TRAK1: variants seen among roughly 807,000 people sequenced by gnomAD.
TRAK1 encodes trafficking kinesin protein 1, also known as trafficking kinesin-binding protein 1.
TRAK1 carries 33 observed loss-of-function variants against 92.1 expected under a neutral mutation model. That is an observed-to-expected ratio of 0.36 (90% CI 0.27 to 0.48). TRAK1 has a LOEUF of 0.48. TRAK1 is among the 20% of genes least tolerant of loss of function. The probability of loss-of-function intolerance (pLI) is 0.99; values close to 1 mark genes in which losing one functional copy is unlikely to be tolerated. For synonymous variants in TRAK1, 521 were observed against 517.3 expected (o/e 1.01, Z -0.10); for missense variants, 1,123 against 1,257.9 (o/e 0.89, Z 1.62).
intron 1 of TRAK1, among the ~76,000 whole-genome samples, chr3:42,043,328 C>T (rs1294798414): frequency 1.3e-5 from 2 of 151,976 alleles, no homozygotes; most frequent in East Asian, 3.9e-4. Context: ...CCTCTCTTTC[C>T]TATCCCCTCC....
At chr3:42,064,334 G>A (rs765870474) in intron 1 of TRAK1, among the ~76,000 whole-genome samples, 1 of 148,914 alleles carries the variant, frequency 6.7e-6, no homozygotes, top group Admixed American at 6.8e-5. Context: ...CTTATAACCC[G>A]GTCTCAAATG....
intron 15 of TRAK1, among the ~76,000 whole-genome samples, chr3:42,219,944 T>G (rs1710179135): frequency 6.6e-6 from 1 of 151,946 alleles, no homozygotes. Context: ...TGGATCTGGC[T>G]CAAATAAAGA....
intron 1 of TRAK1, among the ~76,000 whole-genome samples, chr3:42,069,804 C>T (rs1296029127): frequency 1.3e-5 from 2 of 152,040 alleles, no homozygotes; most frequent in Non-Finnish European, 2.9e-5. Context: ...AGGAAAGTTA[C>T]ATCTTTGTAT....
At chr3:42,155,074 T>G (rs1267848364) in intron 2 of TRAK1, among the ~76,000 whole-genome samples, 1 of 151,968 alleles carries the variant, frequency 6.6e-6, no homozygotes, top group Non-Finnish European at 1.5e-5. Context: ...TTTAATTATG[T>G]AAGTAGGCAC....
chr3:42,180,268 G>A (rs1212197729), intron 3 of TRAK1, among the ~76,000 whole-genome samples: 1 of 151,922 alleles, frequency 6.6e-6, no homozygotes, highest in African/African-American at 2.4e-5. Context: ...TACATAGTAG[G>A]TATATATATT....
chr3:42,179,415 C>G (rs1205370100), intron 3 of TRAK1, among the ~76,000 whole-genome samples: 1 of 152,234 alleles, frequency 6.6e-6, no homozygotes, highest in Non-Finnish European at 1.5e-5. Context: ...AGCCTTCCAC[C>G]AGCGTGGAGA....
upstream of TRAK1, among the ~76,000 whole-genome samples, chr3:42,084,795 GTTTTC>G (rs1704596255): frequency 6.8e-6 from 1 of 147,962 alleles, no homozygotes; most frequent in African/African-American, 2.5e-5. Context: ...TGACAATCCC[GTTTTC>G]TTTTTTTTTT....
intron 2 of TRAK1, among the ~76,000 whole-genome samples, chr3:42,139,199 T>C (rs1299068890): frequency 6.6e-6 from 1 of 152,196 alleles, no homozygotes; most frequent in Non-Finnish European, 1.5e-5. Context: ...GTCCTTTCTG[T>C]CATCCCTAAG....
intron 1 of TRAK1, among the ~76,000 whole-genome samples, chr3:42,017,326 C>T (rs965465765): frequency 2.2e-4 from 34 of 152,246 alleles, no homozygotes; most frequent in Non-Finnish European, 3.2e-4. Context: ...TTGGCATGCA[C>T]TGTGATTTTT....
In TRAK1 at chr3:42,044,668, C is replaced by T. The variant is rs532975112; in HGVS notation, c.-519+30551C>T. Among the ~76,000 whole-genome samples the T allele has an allele frequency of 3.3e-5, 5 of 152,190 alleles. No individual in the cohort carries two copies. In the South Asian group the frequency reaches 1.0e-3, roughly 32 times the overall value. On this transcript the variant is annotated intron_variant, in intron 1 of 16. Transcript: ENST00000487159. ...TGTTTCTTGAGCTCCCTGGTAGAGC[C>T]GATGTGGGAGCCTCCTCCATCTGCA...
intron 2 of TRAK1, chr3:42,149,110 G>A (rs1699652709): frequency 1.2e-6 from 1 of 867,332 alleles, no homozygotes; most frequent in East Asian, 1.2e-4. Flanking sequence ...CAGTTTCTAT[G>A]GCAACGGTTA....
intron 4 of TRAK1, 38 bp from the exon 5 acceptor site, chr3:42,188,007 T>G: frequency 6.3e-7 from 1 of 1,586,294 alleles, no homozygotes; most frequent in Non-Finnish European, 8.6e-7. Flanking sequence ...AGTATCACCT[T>G]TTGGGAAGCA....
At chr3:42,065,867 T>C (rs373904989) in intron 1 of TRAK1, among the ~76,000 whole-genome samples, 2 of 152,208 alleles carry the variant, frequency 1.3e-5, no homozygotes, top group African/African-American at 4.8e-5. Context: ...TGGGCTCAAG[T>C]GATCCACTCG....
chr3:42,047,737 G>A (rs1414591184), intron 1 of TRAK1, among the ~76,000 whole-genome samples: 1 of 152,132 alleles, frequency 6.6e-6, no homozygotes, highest in East Asian at 1.9e-4. Flanking sequence ...GGAAAGAGAT[G>A]AAAGTAAGAA....
At chr3:42,067,817 C>G (rs534565195) in intron 1 of TRAK1, among the ~76,000 whole-genome samples, 2 of 150,688 alleles carry the variant, frequency 1.3e-5, no homozygotes, top group African/African-American at 4.9e-5. Context: ...GTTTTTTTTT[C>G]TTTTTTGGCA....
At chr3:42,054,558 C>T (rs1703117795) in intron 1 of TRAK1, among the ~76,000 whole-genome samples, 1 of 152,164 alleles carries the variant, frequency 6.6e-6, no homozygotes, top group South Asian at 2.1e-4. Flanking sequence ...TTCTACCTAG[C>T]CTGGTGCCTG....
At chr3:42,179,990 T>C (rs1703769164) in intron 3 of TRAK1, among the ~76,000 whole-genome samples, 1 of 152,166 alleles carries the variant, frequency 6.6e-6, no homozygotes, top group African/African-American at 2.4e-5. Flanking sequence ...TTCTCCCACC[T>C]TGGGCTCCCA....
At chr3:42,147,718 G>A (rs1429833868) in intron 2 of TRAK1, among the ~76,000 whole-genome samples, 1 of 152,204 alleles carries the variant, frequency 6.6e-6, no homozygotes, top group South Asian at 2.1e-4. Context: ...GGGTTGGCCA[G>A]CCACCTGGCA....
At chr3:42,038,686 G>A (rs1457286321) in intron 1 of TRAK1, among the ~76,000 whole-genome samples, 1 of 151,612 alleles carries the variant, frequency 6.6e-6, no homozygotes, top group East Asian at 1.9e-4. Flanking sequence ...TACTTGGGAG[G>A]CTGAGGCAGG....
Sources: gnomAD v4.1 joint callset for allele counts (sites outside exome capture counted in the v4.1 genomes callset) on GRCh38, gnomAD v4.1.1 for gene constraint, MANE v1.5 for transcripts, NCBI Gene and HGNC (gene_info 2026-07-23, HGNC 2026-07-21) for gene names.